PLEKHM2: variants seen among roughly 807,000 people sequenced by gnomAD.
PLEKHM2 encodes the protein pleckstrin homology domain-containing family M member 2.
Under a neutral mutation model 116.3 loss-of-function variants are expected in PLEKHM2, and 77 were observed. The ratio of observed to expected loss-of-function variants is 0.66; its 90% confidence interval spans 0.55 to 0.80. The LOEUF (loss-of-function observed/expected upper bound fraction) is 0.80, where lower values mean the gene tolerates loss of function less well. Ranked by LOEUF, PLEKHM2 falls within the 30% of genes least tolerant of loss-of-function variation. PLEKHM2 has a pLI of 0.00. For synonymous variants in PLEKHM2, 562 were observed against 571.0 expected, an observed-to-expected ratio of 0.98 and a Z score of 0.22; for missense variants, 1,183 against 1,354.9, an observed-to-expected ratio of 0.87 and a Z score of 1.99.
At chr1:15,685,397 A>AAAT (rs59714375) in intron 1 of PLEKHM2, among the ~76,000 whole-genome samples, 4,033 of 152,158 alleles carry the variant, frequency 0.027, 185 homozygotes, top group African/African-American at 0.091. Flanking sequence ...CTGGATATAA[A>AAAT]AATAATAATA....
chr1:15,718,060 T>G, intron 4 of PLEKHM2, 68 bp downstream of exon 4: 3 of 988,616 alleles, frequency 3.0e-6, no homozygotes, highest in Non-Finnish European at 4.7e-6. Context: ...CCAAAGGCTC[T>G]TGTCATGCAG....
upstream of PLEKHM2, among the ~76,000 whole-genome samples, chr1:15,683,794 G>A (rs1469153355): frequency 8.8e-5 from 13 of 148,504 alleles, no homozygotes; most frequent in Non-Finnish European, 4.5e-5. Flanking sequence ...CCTGAGGGCT[G>A]AGGGGGAGGG....
intron 1 of PLEKHM2, among the ~76,000 whole-genome samples, chr1:15,686,746 T>A (rs1640779844): frequency 6.6e-6 from 1 of 151,672 alleles, no homozygotes; most frequent in Non-Finnish European, 1.5e-5. Flanking sequence ...CCTCATGGGT[T>A]CACACCATTC....
At chr1:15,733,017 G>A (rs148007718) in intron 19 of PLEKHM2, among the ~76,000 whole-genome samples, 68 of 152,372 alleles carry the variant, frequency 4.5e-4, no homozygotes, top group Admixed American at 1.4e-3. Flanking sequence ...CAAGGGCCTG[G>A]GAGGGAAGGG....
rs1181461135 is a variant in PLEKHM2 at position 15,725,536 on chromosome 1, A to G, written c.932A>G (p.Glu311Gly). The G allele has an allele frequency of 1.3e-6, 2 of 1,560,344 alleles. No individual in the cohort carries two copies. The highest frequency in any genetic ancestry group is 1.7e-6 in the Non-Finnish European group (2 of 1,152,956). The part of the protein sequence containing the change: ...LDPPDACTEL[E>G]VIRVTKKKKI... ...CCGCCGGATGCCTGCACGGAGCTCG[A>G]GGTCATCAGGTCAGCAGGGAGGGGC... The change falls in exon 8 of 20, where the codon GAG becomes GGG. Residue 311 changes from glutamate (E) to glycine (G), a missense_variant. Coordinates refer to ENST00000375799, the MANE Select transcript of PLEKHM2 (RefSeq NM_015164.4).
intron 1 of PLEKHM2, among the ~76,000 whole-genome samples, chr1:15,704,814 C>T (rs1641188785): frequency 6.6e-6 from 1 of 152,242 alleles, no homozygotes; most frequent in Admixed American, 6.5e-5. Flanking sequence ...ACTTTCCTCA[C>T]TGGGCTTCTG....
At chr1:15,724,760 C>T (rs921271945) in intron 7 of PLEKHM2, among the ~76,000 whole-genome samples, 1 of 152,200 alleles carries the variant, frequency 6.6e-6, no homozygotes, top group East Asian at 1.9e-4. Context: ...CTCTGCACCC[C>T]TCACTTTCTC....
chr1:15,728,190 G>T lies in PLEKHM2; in HGVS notation c.1830+42G>T, dbSNP rs1301362266. ...CAGGAGTGAGCAAGAGACGGCAAGG[G>T]CAAGGCGGGATGGGCCACCGCCCCC... On this transcript the variant is annotated intron_variant, in intron 10 of 19. Transcript: ENST00000375799. The surrounding 1 kb of genome is among the most constrained non-coding windows in gnomAD (Gnocchi z 5.9). 1 of 1,604,996 alleles carries T rather than the reference G, an allele frequency of 6.2e-7. No individual in the cohort carries two copies. The highest frequency in any genetic ancestry group is 1.7e-5 in the Admixed American group (1 of 59,554).
In PLEKHM2 at chr1:15,727,257, C is replaced by T. The variant is rs1198794133; in HGVS notation, c.1185C>T (p.Ile395=). ...AGCGCTCCGAGCCGGGCCTGCTGAT[C>T]CCTGAGATGAAGGACACCTCCATGG... ...SSERSEPGLL[I]PEMKDTSMER... The change falls in exon 9 of 20, where the codon ATC becomes ATT. Residue 395 remains isoleucine (I), a synonymous_variant. Coordinates refer to ENST00000375799, the MANE Select transcript of PLEKHM2 (RefSeq NM_015164.4). This position sits in a 1 kb window ranked among gnomAD's most constrained non-coding sequence, Gnocchi z 7.5. The T allele has an allele frequency of 5.6e-6, 9 of 1,605,992 alleles. No homozygotes were observed. The highest frequency in any genetic ancestry group is 1.3e-5 in the African/African-American group (1 of 74,880).
At position 15,731,923 on chromosome 1, in the gene PLEKHM2, A is replaced by G. The variant is rs1405727640; in HGVS notation, c.2500A>G (p.Thr834Ala). The change falls in exon 17 of 20, where the codon ACC (threonine) becomes GCC (alanine). Residue 834 changes from threonine (T) to alanine (A), a missense_variant. Thr to Ala is a moderately conservative substitution (Grantham distance 58, BLOSUM62 0). This residue lies in a region of PLEKHM2 where 594 missense variants were observed against 720.1 expected (regional missense o/e 0.82). Transcript: ENST00000375799. The stretch of plus-strand genomic sequence containing the variant: ...GTGCGGTGGCTGCCGGAGAGCCAAC[A>G]CCACGGATCGGCCCCACGCCTTCCA... Reference protein sequence around the residue: ...EQCGGCRRANTTDRPHAFQVI... With the variant: ...EQCGGCRRANATDRPHAFQVI... The G allele has an allele frequency of 6.2e-7, 1 of 1,611,344 alleles. No homozygotes were observed. The highest frequency in any genetic ancestry group is 1.1e-5 in the South Asian group (1 of 90,878).
Position 15,730,630 on chromosome 1 carries a change from G to A in PLEKHM2, c.2307G>A (p.Glu769=). 1 of 1,608,974 alleles carries A rather than the reference G, an allele frequency of 6.2e-7. No homozygotes were observed. Among genetic ancestry groups the A allele is most frequent in the Non-Finnish European group, 8.5e-7 (1 of 1,178,076 alleles). ...CGCCCTGCCACTGCTCACCCCCCGA[G>A]GGCACCATCACCAAAGAAGGCATGC... The part of the protein sequence containing the change: ...GPTPCHCSPP[E]GTITKEGMLH... Residue 769 remains glutamate (E), a synonymous_variant, in exon 15 of 20, where the codon GAG becomes GAA. Coordinates refer to ENST00000375799, the MANE Select transcript of PLEKHM2 (RefSeq NM_015164.4).
chr1:15,710,156 GGC>G (rs1641302853), intron 1 of PLEKHM2, among the ~76,000 whole-genome samples: 1 of 150,272 alleles, frequency 6.7e-6, no homozygotes, highest in Admixed American at 6.6e-5. Context: ...AAACCTGGGA[GGC>G]GGAGCTTGCA....
rs758798588 is a variant in PLEKHM2, at chr1:15,733,891, A to G, written c.3017A>G (p.Asp1006Gly). The change falls in exon 20 of 20, where the codon GAC becomes GGC. Residue 1006 changes from aspartate to glycine, a missense_variant. Around this residue, in one of 3 missense-constraint regions of PLEKHM2, gnomAD observed 594 missense variants for 720.1 expected, o/e 0.82. Coordinates refer to ENST00000375799, the MANE Select transcript of PLEKHM2 (RefSeq NM_015164.4). Reference sequence around the variant, plus strand: ...ATCCACAGCGCCTGGCAGCGGAGCGACAGTCTCTGCCGCGGCCGAGCCTCC... The same window carrying G: ...ATCCACAGCGCCTGGCAGCGGAGCGGCAGTCTCTGCCGCGGCCGAGCCTCC... ...SLIHSAWQRS[D>G]SLCRGRASRD... The G allele has an allele frequency of 6.2e-7, 1 of 1,612,902 alleles. No individual in the cohort carries two copies. Among genetic ancestry groups the G allele is most frequent in the Non-Finnish European group, 8.5e-7 (1 of 1,179,834 alleles).
At chr1:15,690,743 C>T (rs1053307118) in intron 1 of PLEKHM2, among the ~76,000 whole-genome samples, 4 of 152,110 alleles carry the variant, frequency 2.6e-5, no homozygotes, top group African/African-American at 9.7e-5. Flanking sequence ...ATCATGTGTC[C>T]CTGTATTCAG....
In PLEKHM2 at chr1:15,727,886, C is replaced by A; in HGVS notation, c.1760+54C>A. 7.2e-7 allele frequency: 1 copy of A among 1,380,126 alleles called. No individual in the cohort carries two copies. The highest frequency in any genetic ancestry group is 9.9e-7 in the Non-Finnish European group (1 of 1,008,910). 85.5% of individuals were successfully genotyped at this position (1,380,126 alleles called of 1,614,324 possible). ...CTCTCCCAGCCCTTGAAGCTGGGGA[C>A]ACTGTGCCTCTGACCTCCAGATAAA... On this transcript the variant is annotated intron_variant, in intron 9 of 19. Coordinates refer to ENST00000375799, the MANE Select transcript of PLEKHM2 (RefSeq NM_015164.4). The surrounding 1 kb of genome is among the most constrained non-coding windows in gnomAD (Gnocchi z 7.5).
rs117390718 is a variant in PLEKHM2 at position 15,721,696 on chromosome 1, G to C, written c.712+308G>C. 9.1e-4 allele frequency among the ~76,000 whole-genome samples: 138 copies of C among 152,314 alleles called. 3 individuals are homozygous for C. In the East Asian group the frequency reaches 0.023, roughly 25 times the overall value. ...TCCAGTGCCAGCTGATGCTCTCGGG[G>C]TGTGTAGGGCCTGACCCAGTGAACC... On this transcript the variant is annotated intron_variant, in intron 7 of 19. Transcript: ENST00000375799. The surrounding 1 kb of genome is among the most constrained non-coding windows in gnomAD (Gnocchi z 5.1).
chr1:15,728,679 G>C lies in PLEKHM2; in HGVS notation c.1932G>C (p.Glu644Asp), dbSNP rs779204021. The change falls in exon 12 of 20, where the codon GAG becomes GAC. Residue 644 changes from glutamate (E) to aspartate (D), a missense_variant. Glu to Asp is a conservative substitution (Grantham distance 45). This residue lies in a region of PLEKHM2 where 594 missense variants were observed against 720.1 expected (regional missense o/e 0.82). Coordinates refer to ENST00000375799, the MANE Select transcript of PLEKHM2 (RefSeq NM_015164.4). This position sits in a 1 kb window ranked among gnomAD's most constrained non-coding sequence, Gnocchi z 5.9. ...GGTTTCCTCTCTCAGGGGCCACAGA[G>C]AAGCCATACCTGGTGGAAGAGGCCG... Reference protein sequence around the residue: ...YVYLLRKGATEKPYLVEEAVS... With the variant: ...YVYLLRKGATDKPYLVEEAVS... The C allele has an allele frequency of 6.2e-7, 1 of 1,609,554 alleles. No homozygotes were observed.
chr1:15,686,070 GGA>G (rs1271567981), intron 1 of PLEKHM2, among the ~76,000 whole-genome samples: 1 of 152,190 alleles, frequency 6.6e-6, no homozygotes, highest in Non-Finnish European at 1.5e-5. Context: ...AGTCTGTGAT[GGA>G]GAGGCAGTAG....
Position 15,694,439 on chromosome 1 carries a change from A to G in PLEKHM2, c.60+9821A>G, listed in dbSNP as rs538924566. 1.4e-4 allele frequency among the ~76,000 whole-genome samples: 22 copies of G among 152,132 alleles called. No individual in the cohort carries two copies. The East Asian group carries it at 1.7e-3, about 12-fold the overall frequency. ...ACTGCCATGCAATAGAGAATGAGCAACTCTGGGCCCCGAGCTCTCCTCCTT... is the reference window on the plus strand; with the variant it reads ...ACTGCCATGCAATAGAGAATGAGCAGCTCTGGGCCCCGAGCTCTCCTCCTT... On this transcript the variant is annotated intron_variant, in intron 1 of 19. Coordinates refer to ENST00000375799, the MANE Select transcript of PLEKHM2 (RefSeq NM_015164.4).
Sources: allele counts gnomAD v4.1 joint callset (sites outside exome capture counted in the v4.1 genomes callset), GRCh38; gene constraint gnomAD v4.1.1; regional missense constraint gnomAD v4.1.1; non-coding constraint Gnocchi (gnomAD v3.1); transcripts MANE v1.5; gene names NCBI Gene and HGNC (gene_info 2026-07-23, HGNC 2026-07-21).